Variants in ESPNL observed in about 807,000 individuals in gnomAD.
ESPNL encodes the protein espin like, also known as espin-like protein.
ESPNL carries 49 observed loss-of-function variants against 46.8 expected under a neutral mutation model. The observed-to-expected ratio is 1.05, with a 90% CI of 0.83 to 1.33. ESPNL has a LOEUF of 1.33. ESPNL is among the 40% of genes most tolerant of loss of function. ESPNL has a pLI of 0.00. For missense variants in ESPNL, 1,540 were observed against 1,436.6 expected, an observed-to-expected ratio of 1.07 and a Z score of -1.16; for synonymous variants, 664 against 662.1, an observed-to-expected ratio of 1.00 and a Z score of -0.04.
At chr2:238,104,558 A>G (rs1298498284) in intron 2 of ESPNL, 98 bp from the exon 3 acceptor site, 6 of 1,313,494 alleles carry the variant, frequency 4.6e-6, no homozygotes, top group Non-Finnish European at 5.1e-6. Context: ...CTCAGTCATC[A>G]CGGGCAGGGC....
rs955936078 is a variant in ESPNL at position 238,133,188 on chromosome 2, T to A, written c.*1456T>A. The stretch of plus-strand genomic sequence containing the variant: ...GTGGCTTTTCCACAAGGGCCTATCC[T>A]GCAGCCGGCCCGCTCCGGCTTCCTC... On this transcript the variant is annotated 3_prime_UTR_variant, in exon 9 of 9. Coordinates refer to ENST00000343063, the MANE Select transcript of ESPNL (RefSeq NM_194312.4). 2 of 152,250 alleles carry A rather than the reference T, an allele frequency of 1.3e-5. No individual in the cohort carries two copies. The highest frequency in any genetic ancestry group is 2.9e-5 in the Non-Finnish European group (2 of 68,050). The allele number at this position is 152,250 out of a possible 1,614,324, so 9.4% of individuals were successfully genotyped here.
At chr2:238,127,054 TTGTATC>T (rs1279036023) in intron 6 of ESPNL, among the ~76,000 whole-genome samples, 3 of 151,354 alleles carry the variant, frequency 2.0e-5, no homozygotes, top group Admixed American at 6.6e-5. Context: ...GTTTCTGTGA[TTGTATC>T]TGTGTGTATA....
chr2:238,125,205 C>T, intron 5 of ESPNL, 65 bp from the exon 6 acceptor site: 1 of 710,034 alleles, frequency 1.4e-6, no homozygotes, highest in Non-Finnish European at 2.2e-6. Context: ...TGCCCCTGCC[C>T]CTGTCTAGGT....
rs748409221 is a variant in ESPNL, at chr2:238,131,331, G to A, written c.2617G>A (p.Glu873Lys). 3 of 1,590,662 alleles carry A rather than the reference G, an allele frequency of 1.9e-6. No individual in the cohort carries two copies. Among genetic ancestry groups the A allele is most frequent in the Admixed American group, 3.5e-5 (2 of 56,842 alleles). Residue 873 changes from glutamate (E) to lysine (K), a missense_variant, in exon 9 of 9, where the codon GAG (glutamate) becomes AAG (lysine). Transcript: ENST00000343063. ...GCTGCTGGAGTGCGACCTGCCGGCG[G>A]AGGAGCGGAAGCTGCGCCACCTGCT... ...FQLLECDLPA[E>K]ERKLRHLLCF...
chr2:238,110,815 C>G (rs913866640), intron 4 of ESPNL, among the ~76,000 whole-genome samples: 1 of 152,096 alleles, frequency 6.6e-6, no homozygotes, highest in Non-Finnish European at 1.5e-5. Flanking sequence ...CCTCAGATGC[C>G]TCTTGGCTCT....
intron 6 of ESPNL, 50 bp downstream of exon 6, chr2:238,125,434 G>C (rs1692084198): frequency 2.6e-6 from 3 of 1,148,206 alleles, no homozygotes; most frequent in South Asian, 3.5e-5. Flanking sequence ...CCTGGGAGAG[G>C]GTGCCACTGG....
chr2:238,126,454 CTA>C (rs1159125629), intron 6 of ESPNL, among the ~76,000 whole-genome samples: 5 of 148,718 alleles, frequency 3.4e-5, no homozygotes, highest in Admixed American at 6.7e-5. Flanking sequence ...GTGATTGTGT[CTA>C]TGTGATTGTG....
intron 5 of ESPNL, among the ~76,000 whole-genome samples, chr2:238,119,381 GTTGGATGC>G (rs1691924387): frequency 7.0e-6 from 1 of 143,026 alleles, no homozygotes; most frequent in Non-Finnish European, 1.5e-5. Flanking sequence ...GGATGAAGGA[GTTGGATGC>G]AGGAGGTGGA....
In ESPNL at chr2:238,132,186, G is replaced by A. The variant is rs563194048; in HGVS notation, c.*454G>A. The A allele has an allele frequency of 2.6e-3, 422 of 162,328 alleles. 1 individual carries two copies. The highest frequency in any genetic ancestry group is 4.6e-3 in the Non-Finnish European group (341 of 74,486). The allele number at this position is 162,328 out of a possible 1,614,324, so 10.1% of individuals were successfully genotyped here. On this transcript the variant is annotated 3_prime_UTR_variant, in exon 9 of 9. Coordinates refer to ENST00000343063, the MANE Select transcript of ESPNL (RefSeq NM_194312.4). ...TGCCCCTGTTTCTCCTGCTGACCTT[G>A]GGTCACACCCCTTCACCTCCCATCT...
At position 238,100,359 on chromosome 2, in the gene ESPNL, A is replaced by G. The variant is rs377165175; in HGVS notation, c.-61A>G. On this transcript the variant is annotated 5_prime_UTR_variant, in exon 1 of 9. Coordinates refer to ENST00000343063, the MANE Select transcript of ESPNL (RefSeq NM_194312.4). ...GTAACCAGAGCCGGCAGCTTCATCC[A>G]CGTCTGAAACAGGAAGCCCCAGCCT... is the stretch of plus-strand genomic sequence containing the variant. 2.2e-6 allele frequency: 3 copies of G among 1,389,050 alleles called. No individual in the cohort carries two copies. The East Asian group carries it at 1.0e-4, about 47-fold the overall frequency. The allele number at this position is 1,389,050 out of a possible 1,614,324, so 86.0% of individuals were successfully genotyped here.
intron 5 of ESPNL, among the ~76,000 whole-genome samples, chr2:238,118,595 T>G (rs891292927): frequency 1.2e-4 from 7 of 56,100 alleles, no homozygotes; most frequent in South Asian, 5.1e-4. Context: ...TGGAGAAGGG[T>G]GGATGGAAGA....
intron 5 of ESPNL, among the ~76,000 whole-genome samples, chr2:238,118,626 A>T (rs1249684730): frequency 8.8e-6 from 1 of 113,170 alleles, no homozygotes; most frequent in Non-Finnish European, 1.9e-5. Context: ...AGGAGGGTGG[A>T]TGGAGGAGGA....
Position 238,125,286 on chromosome 2 carries a change from C to G in ESPNL, c.1004C>G (p.Thr335Arg). 6.6e-7 allele frequency: 1 copy of G among 1,526,306 alleles called. No homozygotes were observed. Among genetic ancestry groups the G allele is most frequent in the Admixed American group, 2.1e-5 (1 of 47,908 alleles). The allele number at this position is 1,526,306 out of a possible 1,614,324, so 94.5% of individuals were successfully genotyped here. A position where few individuals can be genotyped will look rare whatever the true frequency, so the allele number is the denominator to read the frequency against. Residue 335 changes from threonine (T) to arginine (R), a missense_variant, in exon 6 of 9, where the codon ACG (threonine) becomes AGG (arginine). Coordinates refer to ENST00000343063, the MANE Select transcript of ESPNL (RefSeq NM_194312.4). ...CACCCACAGGTGCCCCTGCTGATGA[C>G]GCCCCCACCACCACCGTTCCCCCCA... is the stretch of plus-strand genomic sequence containing the variant. ...EVAQPVPLLM[T>R]PPPPPFPPPP...
chr2:238,130,262 C>T lies in ESPNL; in HGVS notation c.1548C>T (p.Asp516=). 1 of 1,609,514 alleles carries T rather than the reference C, an allele frequency of 6.2e-7. No individual in the cohort carries two copies. Among genetic ancestry groups the T allele is most frequent in the Non-Finnish European group, 8.5e-7 (1 of 1,178,526 alleles). ...DLVYLEKQIA[D]LQLRRRCQEY... is the part of the protein sequence containing the mutation. ...TCTACCTGGAGAAGCAGATTGCAGA[C>T]CTGCAGCTTCGGCGCCGCTGTCAGG... The change falls in exon 9 of 9, where the codon GAC becomes GAT. Residue 516 remains aspartate (D), a synonymous_variant. Transcript: ENST00000343063.
rs778596123 is a variant in ESPNL, at chr2:238,107,841, G to A, written c.723G>A (p.Thr241=). 5 of 1,607,922 alleles carry A rather than the reference G, an allele frequency of 3.1e-6. No homozygotes were observed. Among genetic ancestry groups the A allele is most frequent in the East Asian group, 2.2e-5 (1 of 44,634 alleles). ...CGGCACGGGACAATGAGGGGGCCACGGCCCTGCACTTTGCAGCCCGAGGCG... is the reference window on the plus strand; with the variant it reads ...CGGCACGGGACAATGAGGGGGCCACAGCCCTGCACTTTGCAGCCCGAGGCG... The part of the protein sequence containing the change: ...GLTARDNEGA[T]ALHFAARGGH... The change falls in exon 4 of 9, where the codon ACG becomes ACA. Residue 241 remains threonine, a synonymous_variant. Coordinates refer to ENST00000343063, the MANE Select transcript of ESPNL (RefSeq NM_194312.4).
At chr2:238,117,496 GTA>G (rs1691843154) in intron 5 of ESPNL, among the ~76,000 whole-genome samples, 1 of 148,744 alleles carries the variant, frequency 6.7e-6, no homozygotes, top group South Asian at 2.1e-4. Flanking sequence ...TGTGGGTGAT[GTA>G]TGTCAGACTG....
intron 4 of ESPNL, among the ~76,000 whole-genome samples, chr2:238,112,897 G>A (rs34040005): frequency 0.18 from 26,795 of 152,076 alleles, 2,503 homozygotes; most frequent in East Asian, 0.24. Context: ...TTATTGCCCC[G>A]TGTATGGTCA....
intron 4 of ESPNL, among the ~76,000 whole-genome samples, chr2:238,108,297 C>T (rs865978011): frequency 6.6e-5 from 10 of 152,204 alleles, no homozygotes; most frequent in Admixed American, 3.9e-4. Flanking sequence ...GAGCAGCCTG[C>T]GAGTAGAGCT....
intron 5 of ESPNL, 81 bp from the exon 6 acceptor site, chr2:238,125,189 A>G: frequency 3.3e-6 from 2 of 608,852 alleles, no homozygotes; most frequent in Admixed American, 3.7e-5. Context: ...AGGCTCGTCC[A>G]CTGGGTGCCC....
Sources: gnomAD v4.1 joint callset for allele counts (sites outside exome capture counted in the v4.1 genomes callset) on GRCh38, gnomAD v4.1.1 for gene constraint, MANE v1.5 for transcripts, NCBI Gene and HGNC (gene_info 2026-07-23, HGNC 2026-07-21) for gene names.